Variants in FANCL observed in about 807,000 individuals in gnomAD.
FANCL encodes the protein E3 ubiquitin-protein ligase FANCL.
FANCL carries 69 observed loss-of-function variants against 59.4 expected under a neutral mutation model. That is an observed-to-expected ratio of 1.16 (90% confidence interval 0.96 to 1.42). The LOEUF (loss-of-function observed/expected upper bound fraction) is 1.42, where lower values mean the gene tolerates loss of function less well. Ranked by LOEUF, FANCL falls within the 40% of genes most tolerant of loss-of-function variation. The pLI is 0.00. For synonymous variants in FANCL, 180 were observed against 147.1 expected (o/e 1.22, Z -1.62); for missense variants, 519 against 447.2 (o/e 1.16, Z -1.45).
At chr2:58,163,697 T>C (rs577344443) in intron 8 of FANCL, among the ~76,000 whole-genome samples, 180 bp from the exon 9 acceptor site, 2 of 152,152 alleles carry the variant, frequency 1.3e-5, no homozygotes, top group East Asian at 3.9e-4. Flanking sequence ...GTAATTTTGA[T>C]ATGATTATCA....
chr2:58,205,763 G>A (rs1462661329), intron 5 of FANCL, among the ~76,000 whole-genome samples: 1 of 151,904 alleles, frequency 6.6e-6, no homozygotes, highest in African/African-American at 2.4e-5. Flanking sequence ...AGAAACAGCT[G>A]GCAAAAATGC....
chr2:58,191,915 T>C (rs1038443150), intron 7 of FANCL, among the ~76,000 whole-genome samples: 3 of 151,922 alleles, frequency 2.0e-5, no homozygotes, highest in African/African-American at 7.2e-5. Context: ...ACACAGATAT[T>C]CTTTCTCTCT....
At chr2:58,223,832 T>A (rs1234484082) in intron 4 of FANCL, among the ~76,000 whole-genome samples, 1 of 151,948 alleles carries the variant, frequency 6.6e-6, no homozygotes, top group Non-Finnish European at 1.5e-5. Context: ...CATGGAAGAT[T>A]TACAACATTT....
chr2:58,174,881 T>C (rs1221135532), intron 7 of FANCL, among the ~76,000 whole-genome samples: 1 of 152,096 alleles, frequency 6.6e-6, no homozygotes, highest in East Asian at 1.9e-4. Flanking sequence ...ACAAAATTGA[T>C]AGACCGCTAG....
chr2:58,196,266 AG>A (rs1233102028), intron 7 of FANCL, among the ~76,000 whole-genome samples: 1 of 152,086 alleles, frequency 6.6e-6, no homozygotes, highest in Non-Finnish European at 1.5e-5. Context: ...GGGACAGAAA[AG>A]GGGGTCAGGT....
At chr2:58,188,627 G>A (rs1688634743) in intron 7 of FANCL, among the ~76,000 whole-genome samples, 1 of 151,874 alleles carries the variant, frequency 6.6e-6, no homozygotes, top group Admixed American at 6.6e-5. Flanking sequence ...TTTTTGTAGA[G>A]ACGAGGTTTC....
rs758728377 is a variant in FANCL, at chr2:58,165,735, C to G, written c.680G>C (p.Arg227Thr). The G allele has an allele frequency of 5.6e-6, 9 of 1,613,998 alleles. No individual in the cohort carries two copies. The African/African-American group carries it at 8.0e-5, about 14-fold the overall frequency. Reference protein sequence around the residue: ...EKPPRSATARRIALGNNVSIN... With the variant: ...EKPPRSATARTIALGNNVSIN... Reference sequence around the variant, plus strand: ...CTCCTTGTCCCTACCTAATGCAATTCTGCGTGCTGTTGCACTCCGTGGAGG... The same window carrying G: ...CTCCTTGTCCCTACCTAATGCAATTGTGCGTGCTGTTGCACTCCGTGGAGG... Residue 227 changes from arginine to threonine, a missense_variant, in exon 8 of 14, where the codon AGA becomes ACA. Coordinates refer to ENST00000233741, the MANE Select transcript of FANCL (RefSeq NM_018062.4).
chr2:58,161,729 C>T lies in FANCL; in HGVS notation c.904-91G>A, dbSNP rs557759572. ...GGAGGGTATGTGTGATATTTTGATACATGTATACAGTGTTTAATGATGACA... is the reference window on the plus strand; with the variant it reads ...GGAGGGTATGTGTGATATTTTGATATATGTATACAGTGTTTAATGATGACA... On this transcript the variant is annotated intron_variant, in intron 11 of 13. Transcript: ENST00000233741. The T allele has an allele frequency of 1.6e-4, 128 of 791,638 alleles. 1 individual carries two copies. The highest frequency in any genetic ancestry group is 1.5e-3 in the South Asian group (104 of 69,850). The allele number at this position is 791,638 out of a possible 1,614,324, so 49.0% of individuals were successfully genotyped here. A position where few individuals can be genotyped will look rare whatever the true frequency, so the allele number is the denominator to read the frequency against.
intron 9 of FANCL, 156 bp downstream of exon 9, chr2:58,163,278 G>T (rs540775158): frequency 5.5e-6 from 4 of 726,792 alleles, no homozygotes; most frequent in Non-Finnish European, 9.5e-6. Flanking sequence ...CCGAGATCGC[G>T]CCATTACACT....
At chr2:58,204,053 T>C (rs1690324827) in intron 6 of FANCL, 77 bp downstream of exon 6, 1 of 1,099,514 alleles carries the variant, frequency 9.1e-7, no homozygotes, top group Admixed American at 1.7e-5. Context: ...CTAGCACTTC[T>C]TTACATTGAG....
chr2:58,160,038 G>GATCTATCTTCT, intron 13 of FANCL, 70 bp downstream of exon 13: 1 of 1,602,666 alleles, frequency 6.2e-7, no homozygotes, highest in Admixed American at 1.7e-5. Flanking sequence ...ATACTATATA[G>GATCTATCTTCT]ATCTATCTTC....
intron 5 of FANCL, among the ~76,000 whole-genome samples, chr2:58,207,106 A>T (rs989846450): frequency 3.9e-5 from 6 of 152,164 alleles, no homozygotes; most frequent in Admixed American, 1.3e-4. Flanking sequence ...CATTTTGGCC[A>T]GTGGACTACA....
Position 58,159,638 on chromosome 2 carries a change from G to GC in FANCL, c.*126dup, listed in dbSNP as rs1558724703. Reference sequence around the variant, plus strand: ...ACAAACGCAGATGTTTATTATTATCGCATCATCATACCTGTCCTTTTGATG... The same window carrying GC: ...ACAAACGCAGATGTTTATTATTATCGCCATCATCATACCTGTCCTTTTGATG... On this transcript the variant is annotated 3_prime_UTR_variant, in exon 14 of 14. Transcript: ENST00000233741. 1 of 1,613,596 alleles carries GC rather than the reference G, an allele frequency of 6.2e-7. No individual in the cohort carries two copies.
Position 58,198,625 on chromosome 2 carries a change from G to C in FANCL, c.509C>G (p.Pro170Arg), listed in dbSNP as rs1689676795. The C allele has an allele frequency of 7.4e-6, 12 of 1,613,896 alleles. No individual in the cohort carries two copies. The highest frequency in any genetic ancestry group is 1.0e-5 in the Non-Finnish European group (12 of 1,179,868). Reference sequence around the variant, plus strand: ...TGTCCAGGAGGCACAAAATGGAACAGGAAAATCCACAAAATAATCTGGTGA... The same window carrying C: ...TGTCCAGGAGGCACAAAATGGAACACGAAAATCCACAAAATAATCTGGTGA... ...AESPDYFVDFPVPFCASWTPQ... is the reference protein window; with the variant it reads ...AESPDYFVDFRVPFCASWTPQ... Residue 170 changes from proline (P) to arginine (R), a missense_variant, in exon 7 of 14, where the codon CCT becomes CGT. Transcript: ENST00000233741.
intron 7 of FANCL, among the ~76,000 whole-genome samples, chr2:58,186,025 T>C (rs991108909): frequency 6.6e-6 from 1 of 152,162 alleles, no homozygotes; most frequent in Admixed American, 6.6e-5. Context: ...CTGTTAGTTA[T>C]ACAGTAGTCA....
chr2:58,180,573 G>A (rs547937413), intron 7 of FANCL, among the ~76,000 whole-genome samples: 1 of 152,192 alleles, frequency 6.6e-6, no homozygotes, highest in African/African-American at 2.4e-5. Flanking sequence ...GGGGGACTAG[G>A]TGAGGGATAG....
chr2:58,209,765 A>C (rs1238160022), intron 5 of FANCL, among the ~76,000 whole-genome samples: 2 of 152,214 alleles, frequency 1.3e-5, no homozygotes, highest in Non-Finnish European at 1.5e-5. Flanking sequence ...CACAGCAGAT[A>C]AGCAAGAATT....
At chr2:58,159,965 G>A in intron 13 of FANCL, 143 bp downstream of exon 13, 1 of 1,525,858 alleles carries the variant, frequency 6.6e-7, no homozygotes, top group Non-Finnish European at 8.8e-7. Flanking sequence ...TAATGTTTTT[G>A]ATCAGAGAAT....
At chr2:58,193,037 A>C (rs748701521) in intron 7 of FANCL, among the ~76,000 whole-genome samples, 66 of 152,034 alleles carry the variant, frequency 4.3e-4, no homozygotes, top group Admixed American at 1.5e-3. Context: ...ACTTAAGAAA[A>C]AATTCAACAA....
Sources: gnomAD v4.1 joint callset for allele counts (sites outside exome capture counted in the v4.1 genomes callset) on GRCh38, gnomAD v4.1.1 for gene constraint, MANE v1.5 for transcripts, NCBI Gene and HGNC (gene_info 2026-07-23, HGNC 2026-07-21) for gene names.